The following GALK2 variants were observed in gnomAD, a reference collection of about 807,000 sequenced individuals.
GALK2 encodes galactokinase 2, also known as N-acetylgalactosamine kinase.
Under a neutral mutation model 52.4 loss-of-function variants are expected in GALK2, and 36 were observed. That is an observed-to-expected ratio of 0.69 (90% CI 0.53 to 0.91). The LOEUF (loss-of-function observed/expected upper bound fraction) is 0.91, where lower values mean the gene tolerates loss of function less well. Ranked by LOEUF, GALK2 falls within the 40% of genes least tolerant of loss-of-function variation. GALK2 has a pLI of 0.00. For synonymous variants in GALK2, 176 were observed against 199.1 expected, an observed-to-expected ratio of 0.88 and a Z score of 0.98; for missense variants, 579 against 559.1, an observed-to-expected ratio of 1.04 and a Z score of -0.36.
intron 3 of GALK2, among the ~76,000 whole-genome samples, chr15:49,218,789 C>T (rs1458473859): frequency 1.3e-5 from 2 of 152,066 alleles, no homozygotes; most frequent in Admixed American, 6.5e-5. Flanking sequence ...TGTTTCATTT[C>T]TGTTGGGTAA....
At chr15:49,360,472 A>G (rs1223290607) in intron 3 of GALK2, among the ~76,000 whole-genome samples, 1 of 152,180 alleles carries the variant, frequency 6.6e-6, no homozygotes, top group Non-Finnish European at 1.5e-5. Context: ...TTTTTAAATA[A>G]TTTGCATTTT....
rs148114237 is a variant in GALK2 at position 49,255,375 on chromosome 15, G to GT, written c.504+16017dup. Among the ~76,000 whole-genome samples, 75 of 139,624 alleles carry GT rather than the reference G, an allele frequency of 5.4e-4. 7 individuals are homozygous for GT. The highest frequency in any genetic ancestry group is 1.4e-3 in the African/African-American group (54 of 39,296). The allele number at this position is 139,624 out of a possible 152,430, so 91.6% of individuals were successfully genotyped here. On this transcript the variant is annotated intron_variant, in intron 5 of 9. Coordinates refer to ENST00000560031, the MANE Select transcript of GALK2 (RefSeq NM_002044.4). ...TTAATTAATATCATCATTGCATTTA[G>GT]TTTTTTTTTCATTTTTTTAGTTTAC...
chr15:49,324,400 C>A lies in GALK2; in HGVS notation c.1170-3552C>A, dbSNP rs1482286928. Reference sequence around the variant, plus strand: ...TTAAGTGCTAACATGCATACCCTGTCAAAAAAAAAAAAAGAGGGAGGGAGC... The same window carrying A: ...TTAAGTGCTAACATGCATACCCTGTAAAAAAAAAAAAAAGAGGGAGGGAGC... On this transcript the variant is annotated intron_variant, in intron 9 of 9. Transcript: ENST00000560031. Among the ~76,000 whole-genome samples, 190 of 93,396 alleles carry A rather than the reference C, an allele frequency of 2.0e-3. 1 individual carries two copies. The highest frequency in any genetic ancestry group is 2.7e-3 in the Admixed American group (22 of 8,034). The allele number at this position is 93,396 out of a possible 152,430, so 61.3% of individuals were successfully genotyped here. A position where few individuals can be genotyped will look rare whatever the true frequency, so the allele number is the denominator to read the frequency against.
intron 1 of GALK2, among the ~76,000 whole-genome samples, chr15:49,198,738 T>C (rs1180451678): frequency 6.6e-6 from 1 of 152,064 alleles, no homozygotes; most frequent in African/African-American, 2.4e-5. Context: ...GTGGACTTTT[T>C]CTTTCTAGTA....
chr15:49,341,997 G>T (rs1261163622), intron 3 of GALK2, among the ~76,000 whole-genome samples: 6 of 152,142 alleles, frequency 3.9e-5, no homozygotes, highest in Admixed American at 3.9e-4. Context: ...TGATAGCAAT[G>T]TATTTTCTGT....
At chr15:49,178,091 C>A (rs188174684) in intron 1 of GALK2, among the ~76,000 whole-genome samples, 62 of 147,578 alleles carry the variant, frequency 4.2e-4, no homozygotes, top group Non-Finnish European at 8.6e-4. Flanking sequence ...ATTAGTTGAA[C>A]CCAGGAGGCA....
intron 3 of GALK2, among the ~76,000 whole-genome samples, chr15:49,230,496 G>T (rs1302277843): frequency 6.6e-6 from 1 of 152,254 alleles, no homozygotes; most frequent in East Asian, 1.9e-4. Context: ...GTTGAATTCA[G>T]TGTTCTCTCT....
upstream of GALK2, among the ~76,000 whole-genome samples, chr15:49,168,730 A>T (rs1264289177): frequency 6.6e-6 from 1 of 151,728 alleles, no homozygotes; most frequent in Non-Finnish European, 1.5e-5. Context: ...AAAAAAAAAA[A>T]AAAGATTCTG....
chr15:49,259,798 C>A (rs936487709), intron 5 of GALK2, among the ~76,000 whole-genome samples: 32 of 144,434 alleles, frequency 2.2e-4, no homozygotes, highest in Non-Finnish European at 1.2e-4. Flanking sequence ...TCTCATTGTT[C>A]AATTCCCACC....
At chr15:49,198,218 A>G (rs1050767317) in intron 1 of GALK2, among the ~76,000 whole-genome samples, 1 of 152,186 alleles carries the variant, frequency 6.6e-6, no homozygotes, top group Non-Finnish European at 1.5e-5. Context: ...CTTGTTGCCC[A>G]GGCTGGAGTG....
chr15:49,185,152 G>A (rs2141238252), intron 1 of GALK2, among the ~76,000 whole-genome samples: 1 of 152,126 alleles, frequency 6.6e-6, no homozygotes, highest in Admixed American at 6.5e-5. Context: ...CTAGTAGTCT[G>A]GAGTGTCTTT....
At chr15:49,367,348 A>G in intron 3 of GALK2, 1 of 1,056,174 alleles carries the variant, frequency 9.5e-7, no homozygotes, top group Non-Finnish European at 1.3e-6. Flanking sequence ...CATTGATAAA[A>G]CATGCATTCA....
intron 3 of GALK2, among the ~76,000 whole-genome samples, chr15:49,342,547 T>C (rs981024998): frequency 7.2e-5 from 11 of 152,222 alleles, no homozygotes; most frequent in African/African-American, 2.2e-4. Flanking sequence ...TTATAATTAA[T>C]ATGTGAGGCT....
At chr15:49,221,180 T>C (rs2141402806) in intron 3 of GALK2, among the ~76,000 whole-genome samples, 1 of 146,444 alleles carries the variant, frequency 6.8e-6, no homozygotes, top group South Asian at 2.2e-4. Context: ...GTTTCCCCTA[T>C]ATTTCTTTCT....
At chr15:49,161,241 T>C (rs931132731) in intron 1 of GALK2, among the ~76,000 whole-genome samples, 1 of 152,234 alleles carries the variant, frequency 6.6e-6, no homozygotes, top group Non-Finnish European at 1.5e-5. Context: ...TTGAGTATAA[T>C]TTCCTTGGCC....
intron 6 of GALK2, 61 bp from the exon 7 acceptor site, chr15:49,283,505 C>T: frequency 7.1e-7 from 1 of 1,399,828 alleles, no homozygotes; most frequent in Non-Finnish European, 1.0e-6. Context: ...AATACATAAA[C>T]ACTTGAACAT....
intron 1 of GALK2, among the ~76,000 whole-genome samples, chr15:49,163,793 G>A (rs1453875633): frequency 1.3e-5 from 2 of 152,142 alleles, no homozygotes; most frequent in African/African-American, 4.8e-5. Context: ...TGCAGCATAT[G>A]CCTTGCTTAT....
At chr15:49,203,346 G>A (rs528827031) in intron 2 of GALK2, among the ~76,000 whole-genome samples, 3 of 152,020 alleles carry the variant, frequency 2.0e-5, no homozygotes, top group African/African-American at 7.2e-5. Flanking sequence ...CCACCACACC[G>A]AGACCATTTG....
At chr15:49,240,528 T>C (rs1208844657) in intron 5 of GALK2, among the ~76,000 whole-genome samples, 2 of 152,202 alleles carry the variant, frequency 1.3e-5, no homozygotes, top group Admixed American at 1.3e-4. Flanking sequence ...TAGTTTTCTA[T>C]GGGAGCAGAT....
Sources: gnomAD v4.1 joint callset for allele counts (sites outside exome capture counted in the v4.1 genomes callset) on GRCh38, gnomAD v4.1.1 for gene constraint, MANE v1.5 for transcripts, NCBI Gene and HGNC (gene_info 2026-07-23, HGNC 2026-07-21) for gene names.